KLHL22: variants seen among roughly 807,000 people sequenced by gnomAD.
KLHL22 encodes the protein kelch-like protein 22.
Under a neutral mutation model 60.7 loss-of-function variants are expected in KLHL22, and 18 were observed. That is an observed-to-expected ratio of 0.30 (90% CI 0.20 to 0.44). The LOEUF is 0.44. Ranked by LOEUF, KLHL22 falls within the 20% of genes least tolerant of loss-of-function variation. The probability of loss-of-function intolerance (pLI) is 1.00; values close to 1 mark genes in which losing one functional copy is unlikely to be tolerated. For missense variants in KLHL22, 596 were observed against 852.3 expected, an observed-to-expected ratio of 0.70 and a Z score of 3.74; for synonymous variants, 355 against 354.5, an observed-to-expected ratio of 1.00 and a Z score of -0.01.
At chr22:20,483,808 TC>T (rs2053543330) in intron 2 of KLHL22, 1 of 743,754 alleles carries the variant, frequency 1.3e-6, no homozygotes, top group Non-Finnish European at 2.5e-6. Context: ...GTCTCCAGGC[TC>T]CTCGCTCTGT....
At chr22:20,461,550 CAAAAAAAAAAAAA>C (rs362095) in intron 4 of KLHL22, among the ~76,000 whole-genome samples, 1 of 64,772 alleles carries the variant, frequency 1.5e-5, no homozygotes, top group African/African-American at 6.7e-5. Context: ...GACTCCAACT[CAAAAAAAAAAAAA>C]AAAAAAAAAA....
chr22:20,468,098 T>TAGGC, intron 3 of KLHL22, among the ~76,000 whole-genome samples: 1 of 152,160 alleles, frequency 6.6e-6, no homozygotes, highest in East Asian at 1.9e-4. Flanking sequence ...CTACATGAGG[T>TAGGC]ATCCCCATGG....
At chr22:20,478,459 C>T (rs2053447325) in intron 2 of KLHL22, among the ~76,000 whole-genome samples, 1 of 151,178 alleles carries the variant, frequency 6.6e-6, no homozygotes, top group Non-Finnish European at 1.5e-5. Flanking sequence ...CCCTCTTCAG[C>T]CTCCCAAAGT....
In KLHL22 at chr22:20,442,535, C is replaced by T. The variant is rs1285195353; in HGVS notation, c.1540-97G>A. ...TGACCAAGGTGGCAACAGTTACCCA[C>T]CATTCTGACAGGTCAGGCCCCCTGG... On this transcript the variant is annotated intron_variant, in intron 6 of 6. Coordinates refer to ENST00000328879, the MANE Select transcript of KLHL22 (RefSeq NM_032775.4). The T allele has an allele frequency of 2.8e-6, 4 of 1,419,380 alleles. No individual in the cohort carries two copies. In the African/African-American group the frequency reaches 4.3e-5, roughly 15 times the overall value. 87.9% of individuals were successfully genotyped at this position (1,419,380 alleles called of 1,614,324 possible).
intron 2 of KLHL22, among the ~76,000 whole-genome samples, chr22:20,472,333 C>A (rs2053340118): frequency 6.6e-6 from 1 of 150,896 alleles, no homozygotes; most frequent in Non-Finnish European, 1.5e-5. Context: ...GCTCACGCCT[C>A]TAATCCCAAC....
At chr22:20,475,643 C>A (rs1025956937) in intron 2 of KLHL22, among the ~76,000 whole-genome samples, 5 of 152,072 alleles carry the variant, frequency 3.3e-5, no homozygotes, top group African/African-American at 1.2e-4. Flanking sequence ...CTCACCACAA[C>A]CTCCACTTCC....
Position 20,462,514 on chromosome 22 carries a change from C to G in KLHL22, c.1112+2344G>C, listed in dbSNP as rs910407969. Among the ~76,000 whole-genome samples, 9 of 149,822 alleles carry G rather than the reference C, an allele frequency of 6.0e-5. No homozygotes were observed. The East Asian group carries it at 1.5e-3, about 26-fold the overall frequency. The stretch of plus-strand genomic sequence containing the variant: ...GGGCTGCAAGCACGTACCATCAGGC[C>G]CAGCTAATTTTTTTTTTTTTTTTTT... On this transcript the variant is annotated intron_variant, in intron 4 of 6. Transcript: ENST00000328879.
Position 20,476,560 on chromosome 22 carries a change from C to T in KLHL22, c.228-5045G>A, listed in dbSNP as rs187594519. 3.3e-3 allele frequency among the ~76,000 whole-genome samples: 494 copies of T among 147,554 alleles called. 3 individuals carry two copies. Among genetic ancestry groups the T allele is most frequent in the Non-Finnish European group, 4.9e-3 (330 of 67,050 alleles). ...TCCCGAGTAGCTGGGACTACAGGTGCCCGCCACGTCGCCCGGCTAATTTTT... is the reference window on the plus strand; with the variant it reads ...TCCCGAGTAGCTGGGACTACAGGTGTCCGCCACGTCGCCCGGCTAATTTTT... On this transcript the variant is annotated intron_variant, in intron 2 of 6. Coordinates refer to ENST00000328879, the MANE Select transcript of KLHL22 (RefSeq NM_032775.4).
chr22:20,483,246 A>C, intron 2 of KLHL22: 1 of 693,222 alleles, frequency 1.4e-6, no homozygotes, highest in South Asian at 1.4e-5. Context: ...TTCCAACCTC[A>C]GTGGACTGCA....
At chr22:20,466,661 T>C (rs1407547690) in intron 3 of KLHL22, among the ~76,000 whole-genome samples, 1 of 152,194 alleles carries the variant, frequency 6.6e-6, no homozygotes, top group Non-Finnish European at 1.5e-5. Flanking sequence ...ATTATTTTTC[T>C]TTTTTCTTTT....
intron 2 of KLHL22, chr22:20,482,815 T>C (rs2053526362): frequency 8.1e-7 from 1 of 1,239,348 alleles, no homozygotes; most frequent in Non-Finnish European, 1.2e-6. Context: ...TTCTGGTGGC[T>C]TAATGTCTCA....
chr22:20,464,887 T>C lies in KLHL22; in HGVS notation c.1083A>G (p.Gln361=). Residue 361 remains glutamine, a synonymous_variant, in exon 4 of 7, where the codon CAA becomes CAG. Transcript: ENST00000328879. The stretch of plus-strand genomic sequence containing the variant: ...AGCATCGGGACTCTGCTCGAAATCC[T>C]TGGACATTGTTGTCCCCTCCAATCA... ...VYLIGGDNNV[Q]GFRAESRCWR... is the part of the protein sequence containing the mutation. 1.3e-6 allele frequency: 2 copies of C among 1,546,422 alleles called. No homozygotes were observed. Among genetic ancestry groups the C allele is most frequent in the Non-Finnish European group, 1.7e-6 (2 of 1,146,576 alleles).
At chr22:20,468,711 T>C (rs1474224536) in intron 3 of KLHL22, among the ~76,000 whole-genome samples, 1 of 152,154 alleles carries the variant, frequency 6.6e-6, no homozygotes, top group East Asian at 1.9e-4. Flanking sequence ...AGCTGGCATG[T>C]AGTGGTGTGG....
At chr22:20,452,517 G>C (rs1279552367) in intron 5 of KLHL22, among the ~76,000 whole-genome samples, 1 of 152,222 alleles carries the variant, frequency 6.6e-6, no homozygotes, top group Non-Finnish European at 1.5e-5. Flanking sequence ...GGAAGACTGA[G>C]AAGGGTATAT....
chr22:20,494,338 A>G (rs1246846623), intron 1 of KLHL22, among the ~76,000 whole-genome samples: 1 of 152,200 alleles, frequency 6.6e-6, no homozygotes, highest in Non-Finnish European at 1.5e-5. Flanking sequence ...CAGCTTCCTC[A>G]GAAGCTGGAA....
At chr22:20,463,003 T>C (rs2053179808) in intron 4 of KLHL22, among the ~76,000 whole-genome samples, 1 of 152,224 alleles carries the variant, frequency 6.6e-6, no homozygotes, top group South Asian at 2.1e-4. Context: ...GCTTTTAGAA[T>C]TCACCAGTTC....
At chr22:20,459,697 G>A (rs1405906700) in intron 4 of KLHL22, among the ~76,000 whole-genome samples, 1 of 152,178 alleles carries the variant, frequency 6.6e-6, no homozygotes. Flanking sequence ...AAACAAAGGA[G>A]TAAGATTACC....
intron 5 of KLHL22, 27 bp from the exon 6 acceptor site, chr22:20,446,703 C>T (rs1004632137): frequency 1.9e-6 from 3 of 1,575,496 alleles, no homozygotes; most frequent in Non-Finnish European, 1.7e-6. Context: ...GGAGAAATGG[C>T]GTGAGAGGGC....
At chr22:20,466,592 A>G (rs566924898) in intron 3 of KLHL22, among the ~76,000 whole-genome samples, 1 of 152,274 alleles carries the variant, frequency 6.6e-6, no homozygotes, top group Admixed American at 6.5e-5. Flanking sequence ...CTGGTTCCCT[A>G]GAAGTGCTCA....
Sources: gnomAD v4.1 joint callset for allele counts (sites outside exome capture counted in the v4.1 genomes callset) on GRCh38, gnomAD v4.1.1 for gene constraint, MANE v1.5 for transcripts, NCBI Gene and HGNC (gene_info 2026-07-23, HGNC 2026-07-21) for gene names.